The following IREB2 variants were observed in gnomAD, a reference collection of about 807,000 sequenced individuals.
IREB2 encodes the protein iron responsive element binding protein 2, also known as iron-responsive element-binding protein 2.
In IREB2, 39 loss-of-function variants were observed where a neutral mutation model predicts 118.8. The ratio of observed to expected loss-of-function variants is 0.33; its 90% CI spans 0.25 to 0.43. IREB2 has a LOEUF of 0.43. Among genes scored for constraint, IREB2 ranks in the 20% least tolerant of loss-of-function variants. The pLI is 1.00. For missense variants in IREB2, 900 were observed against 1,147.3 expected, an observed-to-expected ratio of 0.78 and a Z score of 3.11; for synonymous variants, 372 against 392.2, an observed-to-expected ratio of 0.95 and a Z score of 0.61.
At chr15:78,453,893 A>G (rs111388939) in intron 2 of IREB2, among the ~76,000 whole-genome samples, 5 of 152,218 alleles carry the variant, frequency 3.3e-5, no homozygotes, top group African/African-American at 9.6e-5. Context: ...GGTTATAATC[A>G]TGTGTTTACA....
intron 8 of IREB2, chr15:78,473,656 C>CTGT (rs2051416796): frequency 3.1e-6 from 1 of 321,206 alleles, no homozygotes. Flanking sequence ...CATTGTAACT[C>CTGT]TGAGAAAACT....
chr15:78,480,590 G>A (rs2051550455), intron 10 of IREB2, among the ~76,000 whole-genome samples: 1 of 151,318 alleles, frequency 6.6e-6, no homozygotes, highest in Non-Finnish European at 1.5e-5. Flanking sequence ...TCAGGAGGCT[G>A]AGGCATGAGA....
chr15:78,441,376 G>A (rs2050841832), intron 2 of IREB2, among the ~76,000 whole-genome samples: 1 of 152,166 alleles, frequency 6.6e-6, no homozygotes, highest in South Asian at 2.1e-4. Flanking sequence ...CTTCACTGAT[G>A]GTGAGTTTGC....
chr15:78,451,290 TG>T (rs1247146644), intron 2 of IREB2, among the ~76,000 whole-genome samples: 1 of 152,018 alleles, frequency 6.6e-6, no homozygotes, highest in Non-Finnish European at 1.5e-5. Flanking sequence ...AGAAACTTTT[TG>T]CCAAATGTAC....
intron 20 of IREB2, 65 bp from the exon 21 acceptor site, chr15:78,497,061 C>A: frequency 7.5e-7 from 1 of 1,337,782 alleles, no homozygotes; most frequent in Admixed American, 1.9e-5. Flanking sequence ...TTTTTGCCCC[C>A]TTTAAATGCT....
intron 5 of IREB2, among the ~76,000 whole-genome samples, chr15:78,469,968 T>G (rs2051347616): frequency 6.6e-6 from 1 of 152,270 alleles, no homozygotes; most frequent in South Asian, 2.1e-4. Flanking sequence ...TCTCTTAGTT[T>G]AAATAATTCA....
chr15:78,484,459 A>G (rs1028345356), intron 11 of IREB2, among the ~76,000 whole-genome samples: 3 of 152,126 alleles, frequency 2.0e-5, no homozygotes, highest in South Asian at 2.1e-4. Flanking sequence ...GAGAATTACT[A>G]TAAACAGGGA....
intron 15 of IREB2, 152 bp from the exon 16 acceptor site, chr15:78,488,495 T>C (rs2051696457): frequency 1.0e-6 from 1 of 973,768 alleles, no homozygotes. Flanking sequence ...GTGAAGAAAA[T>C]AAAATGTACA....
chr15:78,466,763 A>G (rs1339714371), intron 5 of IREB2, among the ~76,000 whole-genome samples: 1 of 152,250 alleles, frequency 6.6e-6, no homozygotes, highest in African/African-American at 2.4e-5. Flanking sequence ...GACTGTAAGC[A>G]GAAAAATGGG....
At chr15:78,441,935 C>T (rs1473096015) in intron 2 of IREB2, among the ~76,000 whole-genome samples, 1 of 152,004 alleles carries the variant, frequency 6.6e-6, no homozygotes, top group Non-Finnish European at 1.5e-5. Flanking sequence ...GAGACAGGAT[C>T]TTGCTCTGTC....
chr15:78,463,204 C>A, intron 3 of IREB2, 117 bp downstream of exon 3: 1 of 829,684 alleles, frequency 1.2e-6, no homozygotes, highest in Non-Finnish European at 1.9e-6. Flanking sequence ...TTTGGGAGGC[C>A]AAGGCAGGAA....
In IREB2 at chr15:78,488,222, T is replaced by A. The variant is rs761312575; in HGVS notation, c.1837T>A (p.Phe613Ile). Residue 613 changes from phenylalanine (F) to isoleucine (I), a missense_variant, in exon 15 of 22, where the codon TTT becomes ATT. Transcript: ENST00000258886. ...TCGILSGNKN[F>I]EGRLCDCVRA... ...TGGAATTTTATCTGGAAACAAAAAT[T>A]TTGAAGGTCGTCTTTGTGATTGTGT... The A allele has an allele frequency of 6.2e-7, 1 of 1,611,774 alleles. No homozygotes were observed. The highest frequency in any genetic ancestry group is 8.5e-7 in the Non-Finnish European group (1 of 1,179,440).
intron 1 of IREB2, chr15:78,438,753 C>G (rs572899574): frequency 6.9e-6 from 2 of 291,598 alleles, no homozygotes; most frequent in East Asian, 1.7e-4. Flanking sequence ...TCTCCGTGTT[C>G]GGGTCTCACG....
chr15:78,449,631 C>G (rs954216033), intron 2 of IREB2, among the ~76,000 whole-genome samples: 1 of 152,226 alleles, frequency 6.6e-6, no homozygotes, highest in Admixed American at 6.5e-5. Flanking sequence ...CAAAACATGT[C>G]TGCAAGCCAG....
chr15:78,466,161 A>T, intron 4 of IREB2, 110 bp from the exon 5 acceptor site: 1 of 630,000 alleles, frequency 1.6e-6, no homozygotes, highest in Non-Finnish European at 2.7e-6. Flanking sequence ...TTAGCCTTTA[A>T]ACATCATTCA....
chr15:78,469,236 T>A (rs1384405194), intron 5 of IREB2, among the ~76,000 whole-genome samples: 7 of 152,116 alleles, frequency 4.6e-5, no homozygotes, highest in Admixed American at 4.6e-4. Flanking sequence ...ACCCCCTAGT[T>A]TGAAGTCAGG....
chr15:78,442,743 C>T (rs561164346), intron 2 of IREB2, among the ~76,000 whole-genome samples: 6 of 152,322 alleles, frequency 3.9e-5, no homozygotes, highest in Admixed American at 6.5e-5. Flanking sequence ...CCGCAAGGAT[C>T]TAGGCTCGTC....
rs1241203993 is a variant in IREB2 at position 78,470,560 on chromosome 15, G to A, written c.658G>A (p.Val220Ile). Residue 220 changes from valine to isoleucine, a missense_variant, in exon 6 of 22, where the codon GTA (valine) becomes ATA (isoleucine). By Grantham distance (29) the Val-to-Ile change is conservative. Transcript: ENST00000258886. Reference protein sequence around the residue: ...EPETVLKNQEVEFGRNRERLQ... With the variant: ...EPETVLKNQEIEFGRNRERLQ... ...TGAAACAGTGTTAAAAAATCAAGAA[G>A]TAGAATTCGGCAGAAATCGAGAGAG... The A allele has an allele frequency of 1.9e-5, 31 of 1,595,024 alleles. No individual in the cohort carries two copies. Among genetic ancestry groups the A allele is most frequent in the Non-Finnish European group, 2.6e-5 (30 of 1,167,426 alleles).
chr15:78,494,763 G>T (rs532957295), intron 20 of IREB2, among the ~76,000 whole-genome samples: 3 of 152,048 alleles, frequency 2.0e-5, no homozygotes, highest in Admixed American at 2.0e-4. Flanking sequence ...TGTAGAGATC[G>T]GATCTCTCTA....
Sources: gnomAD v4.1 joint callset for allele counts (sites outside exome capture counted in the v4.1 genomes callset) on GRCh38, gnomAD v4.1.1 for gene constraint, MANE v1.5 for transcripts, NCBI Gene and HGNC (gene_info 2026-07-23, HGNC 2026-07-21) for gene names.